Variants in POFUT3 observed in about 807,000 individuals in gnomAD.
POFUT3 encodes the protein protein O-fucosyltransferase 3.
the POFUT3 span, among the ~76,000 whole-genome samples, chr8:33,469,494 A>T: frequency 6.6e-6 from 1 of 152,188 alleles, no homozygotes; most frequent in Admixed American, 6.5e-5. Flanking sequence ...AGTAGAGGAC[A>T]GTAAGGGAGA....
chr8:33,408,111 G>T, the POFUT3 span, among the ~76,000 whole-genome samples: 2,216 of 151,884 alleles, frequency 0.015, 54 homozygotes, highest in African/African-American at 0.051. Context: ...ATCACTTGAG[G>T]TCAGGAGTTT....
At chr8:33,405,005 A>T in the POFUT3 span, among the ~76,000 whole-genome samples, 1 of 152,196 alleles carries the variant, frequency 6.6e-6, no homozygotes, top group Non-Finnish European at 1.5e-5. Flanking sequence ...TTTTGCAGGA[A>T]GAACTTTCCA....
the POFUT3 span, among the ~76,000 whole-genome samples, chr8:33,356,955 C>T: frequency 6.6e-6 from 1 of 152,110 alleles, no homozygotes; most frequent in Non-Finnish European, 1.5e-5. Flanking sequence ...TTGTTTTTCT[C>T]AGGTTTGTCA....
chr8:33,385,718 C>A, the POFUT3 span, among the ~76,000 whole-genome samples: 1 of 150,584 alleles, frequency 6.6e-6, no homozygotes, highest in Non-Finnish European at 1.5e-5. Context: ...CCCATCTGTA[C>A]TAAAAATACA....
the POFUT3 span, among the ~76,000 whole-genome samples, chr8:33,315,796 G>GA: frequency 1.3e-5 from 2 of 152,062 alleles, no homozygotes; most frequent in Non-Finnish European, 2.9e-5. Flanking sequence ...ACCTGTCACT[G>GA]AAAAAACAGA....
At chr8:33,452,458 T>C in the POFUT3 span, 8 of 152,164 alleles carry the variant, frequency 5.3e-5, no homozygotes, top group African/African-American at 2.4e-5. Flanking sequence ...TCCATGTATA[T>C]ATGTGACATT....
the POFUT3 span, among the ~76,000 whole-genome samples, chr8:33,363,332 C>A: frequency 6.6e-6 from 1 of 151,928 alleles, no homozygotes; most frequent in Admixed American, 6.6e-5. Context: ...GATCTAAAAT[C>A]GACACCCTAA....
chr8:33,412,384 C>G, the POFUT3 span, among the ~76,000 whole-genome samples: 1 of 152,164 alleles, frequency 6.6e-6, no homozygotes, highest in Non-Finnish European at 1.5e-5. Context: ...CCATTCAACT[C>G]ATTCTTCAAC....
the POFUT3 span, among the ~76,000 whole-genome samples, chr8:33,336,217 C>T: frequency 6.6e-6 from 1 of 152,126 alleles, no homozygotes; most frequent in Non-Finnish European, 1.5e-5. Flanking sequence ...CATTTTTTAA[C>T]TTCCTAGTTA....
the POFUT3 span, among the ~76,000 whole-genome samples, chr8:33,412,128 ATCT>A: frequency 6.6e-6 from 1 of 152,226 alleles, no homozygotes; most frequent in African/African-American, 2.4e-5. Context: ...ACACATTTTC[ATCT>A]TCTTTAGTCT....
At chr8:33,402,721 G>A in the POFUT3 span, among the ~76,000 whole-genome samples, 16 of 152,260 alleles carry the variant, frequency 1.1e-4, no homozygotes, top group Admixed American at 2.6e-4. Flanking sequence ...GACAGTAAAA[G>A]CATAAAGCAA....
At chr8:33,424,047 G>A in the POFUT3 span, among the ~76,000 whole-genome samples, 4 of 151,788 alleles carry the variant, frequency 2.6e-5, no homozygotes, top group Non-Finnish European at 5.9e-5. Flanking sequence ...ACTGAGGCAG[G>A]AGACTTGCTT....
the POFUT3 span, among the ~76,000 whole-genome samples, chr8:33,463,337 T>C: frequency 6.6e-6 from 1 of 151,984 alleles, no homozygotes; most frequent in Non-Finnish European, 1.5e-5. Flanking sequence ...AAACCCCGTC[T>C]CTACTACAAA....
the POFUT3 span, among the ~76,000 whole-genome samples, chr8:33,446,254 C>G: frequency 1.3e-5 from 2 of 151,928 alleles, no homozygotes; most frequent in Non-Finnish European, 2.9e-5. Context: ...GTCAGGAATT[C>G]GAGACCAGCC....
At chr8:33,469,135 GTC>G in the POFUT3 span, among the ~76,000 whole-genome samples, 27 of 152,098 alleles carry the variant, frequency 1.8e-4, no homozygotes, top group Non-Finnish European at 3.2e-4. Flanking sequence ...ACAAAACCCC[GTC>G]TCTACTAAAA....
the POFUT3 span, among the ~76,000 whole-genome samples, chr8:33,308,343 T>C: frequency 6.6e-6 from 1 of 152,226 alleles, no homozygotes; most frequent in African/African-American, 2.4e-5. Flanking sequence ...CATTGAGCTC[T>C]ATCAGGAGAC....
At chr8:33,324,947 C>T in the POFUT3 span, among the ~76,000 whole-genome samples, 2,417 of 152,264 alleles carry the variant, frequency 0.016, 65 homozygotes, top group African/African-American at 0.055. Flanking sequence ...AATCCTGCTA[C>T]GTGATCACCC....
the POFUT3 span, among the ~76,000 whole-genome samples, chr8:33,417,137 A>G: frequency 0.3 from 45,247 of 152,012 alleles, 6,839 homozygotes; most frequent in South Asian, 0.45. Context: ...ATTCTCACAG[A>G]AGCATGAACC....
At chr8:33,382,457 G>A in the POFUT3 span, among the ~76,000 whole-genome samples, 9 of 152,144 alleles carry the variant, frequency 5.9e-5, no homozygotes, top group Non-Finnish European at 8.8e-5. Context: ...AAAAAATTTC[G>A]GAAGTTGCAA....
Sources: gnomAD v4.1 joint callset for allele counts (sites outside exome capture counted in the v4.1 genomes callset) on GRCh38, gnomAD v4.1.1 for gene constraint, MANE v1.5 for transcripts, NCBI Gene and HGNC (gene_info 2026-07-23, HGNC 2026-07-21) for gene names.